The following ANAPC1 variants were observed in gnomAD, a reference collection of about 807,000 sequenced individuals.
ANAPC1 encodes the protein anaphase promoting complex subunit 1, also known as anaphase-promoting complex subunit 1.
Under a neutral mutation model 208.0 loss-of-function variants are expected in ANAPC1, and 36 were observed. That is an observed-to-expected ratio of 0.17 (90% CI 0.13 to 0.23). The LOEUF (loss-of-function observed/expected upper bound fraction) is 0.23, where lower values mean the gene tolerates loss of function less well. ANAPC1 is among the 10% of genes least tolerant of loss of function. The probability of loss-of-function intolerance (pLI) is 1.00; values close to 1 mark genes in which losing one functional copy is unlikely to be tolerated. For missense variants in ANAPC1, 942 were observed against 2,011.6 expected, an observed-to-expected ratio of 0.47 and a Z score of 10.17; for synonymous variants, 378 against 695.2, an observed-to-expected ratio of 0.54 and a Z score of 7.18.
intron 16 of ANAPC1, among the ~76,000 whole-genome samples, chr2:111,846,172 T>A (rs945659307): frequency 6.6e-6 from 1 of 152,114 alleles, no homozygotes; most frequent in East Asian, 1.9e-4. Flanking sequence ...GGCATTCTTT[T>A]CTTAACCTAC....
intron 7 of ANAPC1, among the ~76,000 whole-genome samples, chr2:111,865,336 G>A (rs1682344759): frequency 6.6e-6 from 1 of 152,150 alleles, no homozygotes; most frequent in Non-Finnish European, 1.5e-5. Flanking sequence ...CTGTTTTTCT[G>A]TATGAAAGCT....
intron 6 of ANAPC1, among the ~76,000 whole-genome samples, chr2:111,869,380 AT>A (rs1444909796): frequency 6.6e-6 from 1 of 151,938 alleles, no homozygotes; most frequent in Non-Finnish European, 1.5e-5. Flanking sequence ...AGTAGCTGGG[AT>A]TACAGGCACC....
Position 111,850,854 on chromosome 2 carries a change from T to A in ANAPC1, c.1572A>T (p.Thr524=), listed in dbSNP as rs753530824. The part of the protein sequence containing the change: ...LPAPSLTMSN[T]MPRPSTPLDG... Reference sequence around the variant, plus strand: ...CTAGTGGAGTACTGGGCCGAGGCATTGTGTTGGACATCGTCAGAGAGGGAG... The same window carrying A: ...CTAGTGGAGTACTGGGCCGAGGCATAGTGTTGGACATCGTCAGAGAGGGAG... Residue 524 remains threonine, a synonymous_variant, in exon 14 of 48, where the codon ACA becomes ACT. Coordinates refer to ENST00000341068, the MANE Select transcript of ANAPC1 (RefSeq NM_022662.4). The A allele has an allele frequency of 3.1e-6, 5 of 1,611,654 alleles. No homozygotes were observed. In the South Asian group the frequency reaches 5.5e-5, roughly 18 times the overall value.
At chr2:111,822,139 T>G (rs1573393434) in intron 25 of ANAPC1, among the ~76,000 whole-genome samples, 1 of 146,814 alleles carries the variant, frequency 6.8e-6, no homozygotes, top group Non-Finnish European at 1.5e-5. Context: ...AGTAGGGAAA[T>G]AGCCATGGTA....
At chr2:111,783,226 A>C (rs1044377785) in intron 42 of ANAPC1, among the ~76,000 whole-genome samples, 4 of 152,240 alleles carry the variant, frequency 2.6e-5, no homozygotes, top group South Asian at 2.1e-4. Context: ...AATCAGCTTT[A>C]CTTTCTGACA....
intron 13 of ANAPC1, among the ~76,000 whole-genome samples, chr2:111,851,577 C>T (rs1681398543): frequency 6.6e-6 from 1 of 151,656 alleles, no homozygotes; most frequent in Admixed American, 6.6e-5. Flanking sequence ...GAGGCCGAGG[C>T]GGGCGGATCA....
chr2:111,861,684 A>C (rs1682076073), intron 10 of ANAPC1, among the ~76,000 whole-genome samples: 1 of 122,500 alleles, frequency 8.2e-6, no homozygotes, highest in African/African-American at 3.0e-5. Flanking sequence ...ATTAAAGAGA[A>C]TATAAAAGAA....
At chr2:111,879,748 T>C (rs1683200420) in intron 2 of ANAPC1, among the ~76,000 whole-genome samples, 1 of 152,058 alleles carries the variant, frequency 6.6e-6, no homozygotes, top group African/African-American at 2.4e-5. Flanking sequence ...GGCACATGCC[T>C]GTAATCTCAG....
intron 7 of ANAPC1, chr2:111,865,956 A>C (rs1682382579): frequency 5.0e-6 from 1 of 198,522 alleles, no homozygotes; most frequent in African/African-American, 2.4e-5. Context: ...CTGTAATCCC[A>C]GCACTTTGGG....
chr2:111,770,475 T>C lies in ANAPC1; in HGVS notation c.5720-1069A>G, dbSNP rs923616102. ...CACTGTGGGTTAATATTTAACACAA[T>C]TTTTCAAAATTCTTAGCTTCTGTCT... On this transcript the variant is annotated intron_variant, in intron 47 of 47. Coordinates refer to ENST00000341068, the MANE Select transcript of ANAPC1 (RefSeq NM_022662.4). Among the ~76,000 whole-genome samples the C allele has an allele frequency of 1.1e-4, 17 of 148,162 alleles. 1 individual carries two copies. The highest frequency in any genetic ancestry group is 4.4e-4 in the African/African-American group (17 of 38,586).
chr2:111,819,184 A>C, intron 26 of ANAPC1: 3 of 984,468 alleles, frequency 3.0e-6, no homozygotes, highest in Non-Finnish European at 2.4e-6. Context: ...GTTTTGTTTC[A>C]TATTTACATT....
At chr2:111,877,554 G>A (rs1683084461) in intron 3 of ANAPC1, among the ~76,000 whole-genome samples, 1 of 152,108 alleles carries the variant, frequency 6.6e-6, no homozygotes, top group Non-Finnish European at 1.5e-5. Context: ...AGGTGGGTGG[G>A]TAGATCACAA....
intron 6 of ANAPC1, among the ~76,000 whole-genome samples, chr2:111,868,659 T>C (rs111565679): frequency 0.029 from 4,399 of 152,116 alleles, 140 homozygotes; most frequent in African/African-American, 0.07. Context: ...ACCTCCCGAG[T>C]AGTTGGGATT....
At position 111,850,858 on chromosome 2, in the gene ANAPC1, T is replaced by C. The variant is rs1681354800; in HGVS notation, c.1568A>G (p.Asn523Ser). ...GLPAPSLTMS[N>S]TMPRPSTPLD... ...TGGAGTACTGGGCCGAGGCATTGTGTTGGACATCGTCAGAGAGGGAGCTGG... is the reference window on the plus strand; with the variant it reads ...TGGAGTACTGGGCCGAGGCATTGTGCTGGACATCGTCAGAGAGGGAGCTGG... Residue 523 changes from asparagine to serine, a missense_variant, in exon 14 of 48, where the codon AAC (asparagine) becomes AGC (serine). Asn to Ser is a conservative substitution (Grantham distance 46). Coordinates refer to ENST00000341068, the MANE Select transcript of ANAPC1 (RefSeq NM_022662.4). The C allele has an allele frequency of 6.2e-7, 1 of 1,611,672 alleles. No homozygotes were observed. The highest frequency in any genetic ancestry group is 8.5e-7 in the Non-Finnish European group (1 of 1,179,768).
intron 47 of ANAPC1, among the ~76,000 whole-genome samples, chr2:111,770,593 G>A (rs1478862089): frequency 5.5e-5 from 8 of 146,536 alleles, no homozygotes; most frequent in Non-Finnish European, 1.2e-4. Flanking sequence ...GTTTCCACAT[G>A]TCTCTTGTAC....
intron 18 of ANAPC1, among the ~76,000 whole-genome samples, chr2:111,836,103 T>G (rs1167764808): frequency 6.6e-6 from 1 of 151,740 alleles, no homozygotes; most frequent in African/African-American, 2.4e-5. Context: ...TCCTCCAACC[T>G]CAGCCTCCAA....
At chr2:111,843,887 C>CA (rs1244418571) in intron 16 of ANAPC1, among the ~76,000 whole-genome samples, 1 of 131,150 alleles carries the variant, frequency 7.6e-6, no homozygotes, top group Admixed American at 9.6e-5. Context: ...TGCTGTGGCA[C>CA]GGTCTTGGCA....
intron 10 of ANAPC1, among the ~76,000 whole-genome samples, chr2:111,859,799 T>A (rs1681955342): frequency 1.3e-5 from 2 of 152,304 alleles, no homozygotes; most frequent in South Asian, 4.1e-4. Flanking sequence ...TTTATCCCAA[T>A]CTCACCACTT....
chr2:111,831,475 A>G (rs1301468369), intron 20 of ANAPC1, 41 bp from the exon 21 acceptor site: 2 of 1,413,668 alleles, frequency 1.4e-6, no homozygotes, highest in South Asian at 1.2e-5. Context: ...ACGAAAATAC[A>G]TTAAGACAAC....
Sources: gnomAD v4.1 joint callset for allele counts (sites outside exome capture counted in the v4.1 genomes callset) on GRCh38, gnomAD v4.1.1 for gene constraint, MANE v1.5 for transcripts, NCBI Gene and HGNC (gene_info 2026-07-23, HGNC 2026-07-21) for gene names.